Variants in RPF2 observed in about 807,000 individuals in gnomAD.
RPF2 encodes the protein ribosome production factor 2 homolog.
A neutral mutation model predicts 38.9 loss-of-function variants in RPF2; 21 were observed. The observed-to-expected ratio is 0.54, with a 90% CI of 0.38 to 0.78. The LOEUF is 0.78. Ranked by LOEUF, RPF2 falls within the 30% of genes least tolerant of loss-of-function variation. The pLI, the probability that RPF2 is intolerant of heterozygous loss-of-function variation, is 0.00. For missense variants in RPF2, 314 were observed against 358.1 expected (o/e 0.88, Z 0.99); for synonymous variants, 121 against 126.2 (o/e 0.96, Z 0.28).
At chr6:111,015,268 A>C (rs1477651544) in intron 7 of RPF2, among the ~76,000 whole-genome samples, 1 of 152,224 alleles carries the variant, frequency 6.6e-6, no homozygotes, top group African/African-American at 2.4e-5. Flanking sequence ...TCTGGCATTA[A>C]CAGTTTATAA....
chr6:110,990,730 GC>G (rs56980526), intron 3 of RPF2, among the ~76,000 whole-genome samples: 16,278 of 151,852 alleles, frequency 0.11, 993 homozygotes, highest in Middle Eastern at 0.17. Context: ...GATTACAGGT[GC>G]CCAGCTAATT....
At chr6:110,994,759 A>G (rs577097372) in intron 4 of RPF2, among the ~76,000 whole-genome samples, 13,697 of 150,378 alleles carry the variant, frequency 0.091, 821 homozygotes, top group Middle Eastern at 0.13. Flanking sequence ...ACACACACAC[A>G]CACACACACA....
Position 110,991,789 on chromosome 6 carries a change from A to T in RPF2, c.234+3A>T. On this transcript the variant is annotated splice_donor_region_variant and intron_variant, in intron 4 of 9. Transcript: ENST00000441448. ...CTTTTGAGGATCAGACATCACTGGTAAGTATAATAATCTTTATGATTTAAG... is the reference window on the plus strand; with the variant it reads ...CTTTTGAGGATCAGACATCACTGGTTAGTATAATAATCTTTATGATTTAAG... 1 of 1,158,970 alleles carries T rather than the reference A, an allele frequency of 8.6e-7. No individual in the cohort carries two copies. The highest frequency in any genetic ancestry group is 1.2e-6 in the Non-Finnish European group (1 of 823,264). 71.8% of individuals were successfully genotyped at this position (1,158,970 alleles called of 1,614,324 possible).
At chr6:110,988,788 G>GT (rs1310009099) in intron 2 of RPF2, among the ~76,000 whole-genome samples, 2 of 152,130 alleles carry the variant, frequency 1.3e-5, no homozygotes, top group African/African-American at 4.8e-5. Flanking sequence ...GAAGGAAATT[G>GT]TTTAAGTTGG....
intron 8 of RPF2, 92 bp downstream of exon 8, chr6:111,015,948 A>G: frequency 1.1e-6 from 1 of 919,862 alleles, no homozygotes. Flanking sequence ...TAGAATTGGT[A>G]TCTGGCCAAA....
intron 4 of RPF2, among the ~76,000 whole-genome samples, chr6:110,994,734 T>TATATATATATATATATATATATACACAC (rs1436106936): frequency 2.2e-5 from 3 of 134,068 alleles, no homozygotes; most frequent in African/African-American, 9.6e-5. Flanking sequence ...TGAGTATATA[T>TATATATATATATATATATATATACACAC]ACACACACAC....
intron 8 of RPF2, among the ~76,000 whole-genome samples, chr6:111,018,199 CGGGGAGGGGGAG>C (rs200309635): frequency 2.4e-5 from 1 of 41,116 alleles, no homozygotes; most frequent in African/African-American, 6.4e-5. Flanking sequence ...AGGGGGAGAC[CGGGGAGGGGGAG>C]GGGGAGGGAG....
intron 3 of RPF2, among the ~76,000 whole-genome samples, chr6:110,990,217 C>T (rs1562366288): frequency 2.0e-5 from 3 of 152,060 alleles, no homozygotes; most frequent in Admixed American, 6.5e-5. Flanking sequence ...GGATTACAGG[C>T]GTGAGCCACC....
intron 3 of RPF2, among the ~76,000 whole-genome samples, chr6:110,990,923 T>C (rs1480162144): frequency 6.6e-6 from 1 of 152,178 alleles, no homozygotes; most frequent in Non-Finnish European, 1.5e-5. Flanking sequence ...CCTCCTGTTT[T>C]TGAGCACTTC....
At chr6:111,004,788 C>T (rs1456168817) in intron 6 of RPF2, among the ~76,000 whole-genome samples, 4 of 151,882 alleles carry the variant, frequency 2.6e-5, no homozygotes, top group Admixed American at 6.6e-5. Flanking sequence ...AGGTTGGTCT[C>T]GGACTCCTCA....
intron 7 of RPF2, among the ~76,000 whole-genome samples, chr6:111,008,715 T>C (rs1771959720): frequency 7.2e-5 from 11 of 152,162 alleles, no homozygotes. Flanking sequence ...CCAATGTAGC[T>C]TGGCCTTCTT....
intron 2 of RPF2, among the ~76,000 whole-genome samples, chr6:110,987,710 A>G (rs1026476182): frequency 6.6e-6 from 1 of 152,086 alleles, no homozygotes; most frequent in East Asian, 1.9e-4. Flanking sequence ...TTACTGTTGC[A>G]TTTTCTTTGT....
At chr6:111,017,218 C>T (rs1453217425) in intron 8 of RPF2, among the ~76,000 whole-genome samples, 2 of 152,202 alleles carry the variant, frequency 1.3e-5, no homozygotes, top group South Asian at 2.1e-4. Context: ...GACGGGGTGG[C>T]GGCCGGGTAG....
chr6:110,988,984 T>C, intron 2 of RPF2, 44 bp from the exon 3 acceptor site: 2 of 1,583,316 alleles, frequency 1.3e-6, no homozygotes, highest in Non-Finnish European at 1.7e-6. Flanking sequence ...TTTCTGCTTT[T>C]CAGAATGTGT....
intron 7 of RPF2, among the ~76,000 whole-genome samples, chr6:111,014,937 T>G (rs887777758): frequency 6.6e-6 from 1 of 152,182 alleles, no homozygotes; most frequent in Non-Finnish European, 1.5e-5. Context: ...GACTACAACC[T>G]GGCTAATTTT....
chr6:111,004,691 G>T (rs1264554668), intron 6 of RPF2, among the ~76,000 whole-genome samples: 1 of 151,662 alleles, frequency 6.6e-6, no homozygotes, highest in Admixed American at 6.6e-5. Flanking sequence ...CAATTCTCTT[G>T]CCTCAGCCTC....
intron 1 of RPF2, 40 bp downstream of exon 1, chr6:110,982,169 G>T: frequency 6.2e-7 from 1 of 1,610,764 alleles, no homozygotes; most frequent in Non-Finnish European, 8.5e-7. Context: ...GCGTTGGGGT[G>T]AAAGGGTCCC....
At chr6:111,011,605 C>T (rs967378217) in intron 7 of RPF2, among the ~76,000 whole-genome samples, 11 of 152,042 alleles carry the variant, frequency 7.2e-5, no homozygotes, top group Non-Finnish European at 1.5e-4. Context: ...ATTTTTCCAG[C>T]CAAAATGTCA....
chr6:111,001,968 A>G (rs1771817973), intron 6 of RPF2, among the ~76,000 whole-genome samples: 1 of 152,210 alleles, frequency 6.6e-6, no homozygotes, highest in South Asian at 2.1e-4. Flanking sequence ...ACGTAGTGAG[A>G]CATTGTCTCA....
Sources: allele counts gnomAD v4.1 joint callset (sites outside exome capture counted in the v4.1 genomes callset), GRCh38; gene constraint gnomAD v4.1.1; transcripts MANE v1.5; gene names NCBI Gene and HGNC (gene_info 2026-07-23, HGNC 2026-07-21).